Variants in XKR6 observed in about 807,000 individuals in gnomAD.
XKR6 encodes the protein XK-related protein 6.
A neutral mutation model predicts 56.7 loss-of-function variants in XKR6; 22 were observed. That is an observed-to-expected ratio of 0.39 (90% CI 0.28 to 0.55). The LOEUF is 0.55. XKR6 is among the 20% of genes least tolerant of loss of function. The pLI, the probability that XKR6 is intolerant of heterozygous loss-of-function variation, is 0.66. For synonymous variants in XKR6, 524 were observed against 387.8 expected, an observed-to-expected ratio of 1.35 and a Z score of -4.13; for missense variants, 852 against 889.0, an observed-to-expected ratio of 0.96 and a Z score of 0.53.
chr8:11,010,245 AG>A (rs1586427771), intron 1 of XKR6, among the ~76,000 whole-genome samples: 1 of 152,232 alleles, frequency 6.6e-6, no homozygotes. Context: ...AAGACTGGCA[AG>A]GGGGAAGTCC....
chr8:10,916,812 T>G (rs1288784512), intron 2 of XKR6, among the ~76,000 whole-genome samples: 1 of 152,220 alleles, frequency 6.6e-6, no homozygotes, highest in East Asian at 1.9e-4. Flanking sequence ...CCTTCTGAGT[T>G]GTTTGGACGC....
At chr8:10,997,950 T>C (rs577332256) in intron 1 of XKR6, among the ~76,000 whole-genome samples, 113 of 152,242 alleles carry the variant, frequency 7.4e-4, no homozygotes, top group Middle Eastern at 3.4e-3. Context: ...ATGCTTCCCA[T>C]AGCTGAAGAG....
intron 1 of XKR6, among the ~76,000 whole-genome samples, chr8:11,153,106 G>A (rs1801343969): frequency 1.3e-5 from 2 of 152,094 alleles, no homozygotes; most frequent in African/African-American, 4.8e-5. Flanking sequence ...TATTATTATA[G>A]GTGCCAACAT....
At chr8:11,173,266 C>T (rs937354985) in intron 1 of XKR6, among the ~76,000 whole-genome samples, 3 of 151,394 alleles carry the variant, frequency 2.0e-5, no homozygotes, top group African/African-American at 7.3e-5. Context: ...ATGGCGTGAA[C>T]CCAGGAGGCA....
At chr8:11,137,858 G>T in intron 1 of XKR6, 1 of 363,308 alleles carries the variant, frequency 2.8e-6, no homozygotes, top group Non-Finnish European at 5.4e-6. Flanking sequence ...GGAAATAATG[G>T]AAAAAGACTG....
Position 10,924,847 on chromosome 8 carries a change from G to C in XKR6, c.765-17C>G. The C allele has an allele frequency of 6.2e-7, 1 of 1,606,782 alleles. No individual in the cohort carries two copies. Among genetic ancestry groups the C allele is most frequent in the Non-Finnish European group, 8.5e-7 (1 of 1,175,536 alleles). Reference sequence around the variant, plus strand: ...CGGATATACCTGCCCAGAGAGATGGGGAGAACACAGAGAGCATGGGTGGGT... The same window carrying C: ...CGGATATACCTGCCCAGAGAGATGGCGAGAACACAGAGAGCATGGGTGGGT... On this transcript the variant is annotated splice_polypyrimidine_tract_variant and intron_variant, in intron 1 of 2. Transcript: ENST00000416569.
chr8:10,898,864 A>G lies in XKR6; in HGVS notation c.1014T>C (p.Tyr338=). 1 of 1,613,826 alleles carries G rather than the reference A, an allele frequency of 6.2e-7. No individual in the cohort carries two copies. The highest frequency in any genetic ancestry group is 8.5e-7 in the Non-Finnish European group (1 of 1,179,888). ...LMSLAWVLAS[Y]HKLLRDSRDD... is the part of the protein sequence containing the mutation. ...CCCTGGAGTCCCGCAGCAGCTTGTG[A>G]TAGGAGGCTAGCACCCAAGCCAGGG... Residue 338 remains tyrosine, a synonymous_variant, in exon 3 of 3, where the codon TAT becomes TAC. Coordinates refer to ENST00000416569, the MANE Select transcript of XKR6 (RefSeq NM_173683.4). This position sits in a 1 kb window ranked among gnomAD's most constrained non-coding sequence, Gnocchi z 6.6.
chr8:10,990,411 T>A lies in XKR6; in HGVS notation c.765-65581A>T, dbSNP rs530176624. Among the ~76,000 whole-genome samples the A allele has an allele frequency of 2.6e-5, 4 of 152,266 alleles. No individual in the cohort carries two copies. In the South Asian group the frequency reaches 8.3e-4, roughly 32 times the overall value. On this transcript the variant is annotated intron_variant, in intron 1 of 2. Transcript: ENST00000416569. ...CATCGTGGCTGGGAGATTTTAAGAC[T>A]GTGGAACTGCTGGGGAGCATGTCTG...
intron 1 of XKR6, chr8:11,113,914 A>G: frequency 4.1e-6 from 1 of 243,456 alleles, no homozygotes; most frequent in Non-Finnish European, 8.3e-6. Context: ...TTGAAGAGGA[A>G]GGAACTGGGG....
intron 1 of XKR6, among the ~76,000 whole-genome samples, chr8:11,155,806 T>C (rs1397087548): frequency 6.6e-6 from 1 of 152,202 alleles, no homozygotes. Context: ...TTACTCGAAA[T>C]GCAAACATGA....
At chr8:11,147,836 T>C (rs915530149) in intron 1 of XKR6, among the ~76,000 whole-genome samples, 1 of 152,134 alleles carries the variant, frequency 6.6e-6, no homozygotes, top group Non-Finnish European at 1.5e-5. Context: ...TGACCCCTCC[T>C]AAAATTCATA....
At chr8:11,057,359 T>A (rs892709537) in intron 1 of XKR6, among the ~76,000 whole-genome samples, 4 of 152,202 alleles carry the variant, frequency 2.6e-5, no homozygotes, top group African/African-American at 9.7e-5. Context: ...TTTGTCTGTT[T>A]TGTTCACTGC....
chr8:11,086,149 T>TATA (rs1554454135), intron 1 of XKR6, among the ~76,000 whole-genome samples: 3,781 of 100,720 alleles, frequency 0.038, 170 homozygotes, highest in African/African-American at 0.11. Context: ...TATATATATA[T>TATA]TTTTTTTTAA....
intron 1 of XKR6, among the ~76,000 whole-genome samples, chr8:11,196,228 TTA>T (rs1803879887): frequency 6.6e-6 from 1 of 152,186 alleles, no homozygotes. Context: ...ATAATCCCAG[TTA>T]TGTTTCCTCA....
At chr8:10,948,757 C>G (rs1286346122) in intron 1 of XKR6, among the ~76,000 whole-genome samples, 1 of 152,218 alleles carries the variant, frequency 6.6e-6, no homozygotes, top group African/African-American at 2.4e-5. Flanking sequence ...TGTGGCTTAT[C>G]AAGCCCTCCT....
chr8:11,144,967 G>T lies in XKR6; in HGVS notation c.764+55609C>A, dbSNP rs1337745621. On this transcript the variant is annotated intron_variant, in intron 1 of 2. Transcript: ENST00000416569. ...GAAAGAAGGGAGAGAAGGGAGGAAG[G>T]AAGGGAGAGAAGGGAGGGATGGAGA... 2.7e-5 allele frequency among the ~76,000 whole-genome samples: 4 copies of T among 148,732 alleles called. No homozygotes were observed. The South Asian group carries it at 8.8e-4, about 33-fold the overall frequency.
At chr8:11,119,050 C>G (rs991935179) in intron 1 of XKR6, among the ~76,000 whole-genome samples, 3 of 151,644 alleles carry the variant, frequency 2.0e-5, no homozygotes, top group Non-Finnish European at 4.4e-5. Flanking sequence ...TTATTTCTGC[C>G]TTCATTTCAT....
At chr8:10,900,476 C>T (rs1800003648) in intron 2 of XKR6, among the ~76,000 whole-genome samples, 1 of 152,164 alleles carries the variant, frequency 6.6e-6, no homozygotes. Context: ...GCTTGCAGAA[C>T]AGTATGGTGC....
chr8:11,189,123 A>T (rs1429285413), intron 1 of XKR6, among the ~76,000 whole-genome samples: 2 of 152,148 alleles, frequency 1.3e-5, no homozygotes, highest in African/African-American at 4.8e-5. Flanking sequence ...CTATTAGGTC[A>T]TGTCTCCTCT....
Sources: gnomAD v4.1 joint callset for allele counts (sites outside exome capture counted in the v4.1 genomes callset) on GRCh38, gnomAD v4.1.1 for gene constraint, Gnocchi (gnomAD v3.1) non-coding constraint, MANE v1.5 for transcripts, NCBI Gene and HGNC (gene_info 2026-07-23, HGNC 2026-07-21) for gene names.